SCN11A: variants seen among roughly 807,000 people sequenced by gnomAD.
SCN11A encodes sodium voltage-gated channel alpha subunit 11, also known as sodium channel protein type 11 subunit alpha.
In SCN11A, 122 loss-of-function variants were observed where a neutral mutation model predicts 162.2. The observed-to-expected ratio is 0.75, with a 90% CI of 0.65 to 0.87. The LOEUF (loss-of-function observed/expected upper bound fraction) is 0.87. Among genes scored for constraint, SCN11A ranks in the 40% least tolerant of loss-of-function variants. SCN11A has a pLI of 0.00. For synonymous variants in SCN11A, 758 were observed against 751.5 expected (o/e 1.01, Z -0.14); for missense variants, 2,015 against 2,181.6 (o/e 0.92, Z 1.52).
intron 19 of SCN11A, among the ~76,000 whole-genome samples, chr3:38,891,344 G>A (rs2065496508): frequency 1.3e-5 from 2 of 152,018 alleles, no homozygotes; most frequent in Admixed American, 6.6e-5. Flanking sequence ...AACAGAGACT[G>A]TGCAATCTAA....
Position 39,006,688 on chromosome 3 carries a change from G to C in SCN11A, c.-280+25692C>G, listed in dbSNP as rs549003669. ...CAGTGGTTCTTGCCTGTAATCCCTA[G>C]GACTTTAGGAGGCCAAGGTGGGAGG... On this transcript the variant is annotated intron_variant, in intron 2 of 29. Coordinates refer to ENST00000302328, the MANE Select transcript of SCN11A (RefSeq NM_001349253.2). Among the ~76,000 whole-genome samples, 41 of 152,212 alleles carry C rather than the reference G, an allele frequency of 2.7e-4. 1 individual carries two copies. Among genetic ancestry groups the C allele is most frequent in the Non-Finnish European group, 5.3e-4 (36 of 68,002 alleles).
chr3:38,927,963 G>C (rs2066170742), intron 7 of SCN11A, among the ~76,000 whole-genome samples: 1 of 152,170 alleles, frequency 6.6e-6, no homozygotes, highest in South Asian at 2.1e-4. Context: ...GAATAGAATA[G>C]AGAGCCCAGA....
intron 28 of SCN11A, among the ~76,000 whole-genome samples, chr3:38,851,496 A>G (rs2064778502): frequency 6.6e-6 from 1 of 152,228 alleles, no homozygotes; most frequent in South Asian, 2.1e-4. Context: ...TTTGCATGCC[A>G]AGTCTACCAT....
At chr3:38,907,291 T>C (rs890105734) in intron 14 of SCN11A, among the ~76,000 whole-genome samples, 7 of 144,988 alleles carry the variant, frequency 4.8e-5, no homozygotes, top group African/African-American at 7.6e-5. Flanking sequence ...CCAAAGTTGG[T>C]ATATATATAC....
intron 26 of SCN11A, among the ~76,000 whole-genome samples, chr3:38,867,901 T>C (rs1368274516): frequency 6.6e-6 from 1 of 152,198 alleles, no homozygotes; most frequent in African/African-American, 2.4e-5. Context: ...GACCCCCATA[T>C]AGAGCCCACT....
chr3:38,900,125 T>G (rs769939984), intron 16 of SCN11A, 52 bp from the exon 17 acceptor site: 2 of 1,444,044 alleles, frequency 1.4e-6, no homozygotes, highest in Non-Finnish European at 1.9e-6. Flanking sequence ...GATAACACTT[T>G]TAAGAATGGC....
intron 1 of SCN11A, among the ~76,000 whole-genome samples, chr3:39,038,778 C>T (rs1330315681): frequency 6.7e-6 from 1 of 150,118 alleles, no homozygotes; most frequent in African/African-American, 2.5e-5. Context: ...CAGTATCACA[C>T]CCTACATACA....
intron 2 of SCN11A, among the ~76,000 whole-genome samples, chr3:39,008,296 G>A (rs977013820): frequency 1.1e-4 from 17 of 151,300 alleles, no homozygotes; most frequent in African/African-American, 3.9e-4. Context: ...TATGAGAGGA[G>A]AATAAAGTCA....
Position 38,871,432 on chromosome 3 carries a change from T to G in SCN11A, c.3759+13A>C. ...TTTCTCCTCAGAGTGAAAAACATAC[T>G]GACTGTACTTACCACTTGCAGCAGA... is the stretch of plus-strand genomic sequence containing the variant. On this transcript the variant is annotated intron_variant, in intron 25 of 29. Coordinates refer to ENST00000302328, the MANE Select transcript of SCN11A (RefSeq NM_001349253.2). The G allele has an allele frequency of 6.4e-7, 1 of 1,573,952 alleles. No homozygotes were observed.
intron 1 of SCN11A, among the ~76,000 whole-genome samples, chr3:39,051,123 T>C (rs2032354230): frequency 6.6e-6 from 1 of 152,024 alleles, no homozygotes; most frequent in Non-Finnish European, 1.5e-5. Flanking sequence ...TTGTCTTGTT[T>C]TTTTTTTTTA....
At chr3:39,005,056 T>C (rs1023923685) in intron 2 of SCN11A, among the ~76,000 whole-genome samples, 1 of 152,176 alleles carries the variant, frequency 6.6e-6, no homozygotes, top group Non-Finnish European at 1.5e-5. Context: ...AAGCAAGGGG[T>C]ACGTGACAGG....
intron 1 of SCN11A, among the ~76,000 whole-genome samples, chr3:39,037,412 G>C (rs2031934937): frequency 6.6e-6 from 1 of 152,130 alleles, no homozygotes; most frequent in Non-Finnish European, 1.5e-5. Context: ...CCTAGTATTT[G>C]ATAGCACAAG....
chr3:39,050,891 A>G (rs545002505), intron 1 of SCN11A, among the ~76,000 whole-genome samples: 5 of 152,324 alleles, frequency 3.3e-5, no homozygotes, highest in Non-Finnish European at 7.4e-5. Flanking sequence ...AAGAGCCACA[A>G]ATGACTAGCA....
intron 7 of SCN11A, among the ~76,000 whole-genome samples, chr3:38,933,085 G>C (rs1255622792): frequency 1.3e-5 from 2 of 152,218 alleles, no homozygotes; most frequent in African/African-American, 4.8e-5. Context: ...CTGTTCTGCA[G>C]CCACCGCTGC....
chr3:38,963,174 T>A (rs1227516610), intron 2 of SCN11A, among the ~76,000 whole-genome samples: 3 of 150,602 alleles, frequency 2.0e-5, no homozygotes, highest in African/African-American at 7.3e-5. Flanking sequence ...AGAACTACTA[T>A]TTGATCTAGC....
chr3:38,900,663 A>G (rs1245618394), intron 16 of SCN11A, among the ~76,000 whole-genome samples: 1 of 151,908 alleles, frequency 6.6e-6, no homozygotes, highest in Non-Finnish European at 1.5e-5. Context: ...GCAACTCAAT[A>G]TATGGGATAA....
At chr3:39,042,164 G>A (rs973042314) in intron 1 of SCN11A, among the ~76,000 whole-genome samples, 1 of 152,072 alleles carries the variant, frequency 6.6e-6, no homozygotes, top group Admixed American at 6.6e-5. Context: ...AGGTACTCAG[G>A]AGGCCAAGGC....
chr3:38,972,903 A>G (rs2066824813), intron 2 of SCN11A, among the ~76,000 whole-genome samples: 1 of 152,212 alleles, frequency 6.6e-6, no homozygotes, highest in Non-Finnish European at 1.5e-5. Flanking sequence ...GAGCCTGATA[A>G]CATTGTCAGC....
chr3:38,995,819 G>GTCTGTCTATCTATCTATCTATCTATCTA lies in SCN11A; in HGVS notation c.-279-35397_-279-35396insTAGATAGATAGATAGATAGATAGACAGA, dbSNP rs1553648593. Among the ~76,000 whole-genome samples the GTCTGTCTATCTATCTATCTATCTATCTA allele has an allele frequency of 1.9e-3, 267 of 141,758 alleles. 1 individual carries two copies. Among genetic ancestry groups the GTCTGTCTATCTATCTATCTATCTATCTA allele is most frequent in the African/African-American group, 6.6e-3 (251 of 38,134 alleles). The allele number at this position is 141,758 out of a possible 152,430, so 93.0% of individuals were successfully genotyped here. On this transcript the variant is annotated intron_variant, in intron 2 of 29. Transcript: ENST00000302328. ...AAATTGTCTATCTATCTATCTATCT[G>GTCTGTCTATCTATCTATCTATCTATCTA]TCTATCTATCTATCTATCTATCTAT...
Sources: gnomAD v4.1 joint callset for allele counts (sites outside exome capture counted in the v4.1 genomes callset) on GRCh38, gnomAD v4.1.1 for gene constraint, MANE v1.5 for transcripts, NCBI Gene and HGNC (gene_info 2026-07-23, HGNC 2026-07-21) for gene names.